HERC4: variants seen among roughly 807,000 people sequenced by gnomAD.
The protein encoded by HERC4 is HECT and RLD domain containing E3 ubiquitin protein ligase 4.
A neutral mutation model predicts 124.3 loss-of-function variants in HERC4; 28 were observed. That is an observed-to-expected ratio of 0.23 (90% CI 0.17 to 0.31). The LOEUF is 0.31. Among genes scored for constraint, HERC4 ranks in the 10% least tolerant of loss-of-function variants. The probability of loss-of-function intolerance (pLI) is 1.00; values close to 1 mark genes in which losing one functional copy is unlikely to be tolerated. For synonymous variants in HERC4, 407 were observed against 421.5 expected (o/e 0.97, Z 0.42); for missense variants, 713 against 1,229.3 (o/e 0.58, Z 6.28).
chr10:67,941,424 T>C (rs1242972442), intron 19 of HERC4, among the ~76,000 whole-genome samples: 1 of 152,132 alleles, frequency 6.6e-6, no homozygotes, highest in Non-Finnish European at 1.5e-5. Flanking sequence ...AAATAATTAC[T>C]ATAACTTTTT....
chr10:67,961,590 C>A (rs543747026), intron 16 of HERC4: 143 of 152,206 alleles, frequency 9.4e-4, no homozygotes, highest in African/African-American at 3.4e-3. Flanking sequence ...GGCCTCGTAG[C>A]AAATTATCAA....
intron 19 of HERC4, among the ~76,000 whole-genome samples, chr10:67,947,045 C>G (rs2033421750): frequency 6.6e-6 from 1 of 152,200 alleles, no homozygotes; most frequent in Admixed American, 6.5e-5. Flanking sequence ...CAACACTCCA[C>G]TTACAGCACT....
At chr10:68,026,720 GGA>G (rs1220864021) in intron 7 of HERC4, among the ~76,000 whole-genome samples, 1 of 152,072 alleles carries the variant, frequency 6.6e-6, no homozygotes, top group African/African-American at 2.4e-5. Context: ...GCACAGACCT[GGA>G]GTCCCAGCTA....
intron 14 of HERC4, among the ~76,000 whole-genome samples, chr10:67,989,068 T>C (rs1311932639): frequency 2.0e-5 from 3 of 151,994 alleles, no homozygotes; most frequent in African/African-American, 2.4e-5. Context: ...AGTGTGAAAG[T>C]CTTGTTGAAT....
At chr10:68,020,774 A>T (rs1314534258) in intron 8 of HERC4, among the ~76,000 whole-genome samples, 1 of 151,794 alleles carries the variant, frequency 6.6e-6, no homozygotes, top group African/African-American at 2.4e-5. Flanking sequence ...GTCTCAAAAA[A>T]AAAAAAAAAA....
At chr10:68,072,541 C>A (rs2041624922) in intron 3 of HERC4, among the ~76,000 whole-genome samples, 4 of 152,058 alleles carry the variant, frequency 2.6e-5, no homozygotes. Flanking sequence ...GTAAATTATG[C>A]ATTTAAAATC....
intron 9 of HERC4, among the ~76,000 whole-genome samples, chr10:68,004,965 A>ATG (rs2037452237): frequency 6.6e-6 from 1 of 152,236 alleles, no homozygotes; most frequent in East Asian, 1.9e-4. Context: ...TGAGGGGTCT[A>ATG]GTTTCATTCT....
At chr10:68,012,296 T>C (rs1264189545) in intron 9 of HERC4, among the ~76,000 whole-genome samples, 1 of 152,254 alleles carries the variant, frequency 6.6e-6, no homozygotes, top group Non-Finnish European at 1.5e-5. Flanking sequence ...ACAACTTGGA[T>C]AACTGGCACA....
intron 9 of HERC4, among the ~76,000 whole-genome samples, chr10:68,013,629 C>G (rs1190062507): frequency 6.6e-6 from 1 of 152,116 alleles, no homozygotes; most frequent in Non-Finnish European, 1.5e-5. Flanking sequence ...GTTTTAGTAT[C>G]CTCAAGATGA....
At chr10:67,923,941 A>G (rs1208192521) in intron 24 of HERC4, among the ~76,000 whole-genome samples, 6 of 152,224 alleles carry the variant, frequency 3.9e-5, no homozygotes, top group African/African-American at 1.4e-4. Flanking sequence ...TAGAATACAG[A>G]CTTTAACAGA....
At chr10:67,933,983 A>G (rs1409835076) in intron 22 of HERC4, among the ~76,000 whole-genome samples, 1 of 152,220 alleles carries the variant, frequency 6.6e-6, no homozygotes, top group Non-Finnish European at 1.5e-5. Flanking sequence ...TTGTAACAAA[A>G]TAGAAGAGAA....
At chr10:67,960,971 A>T in intron 16 of HERC4, 1 of 359,822 alleles carries the variant, frequency 2.8e-6, no homozygotes, top group Non-Finnish European at 5.3e-6. Flanking sequence ...CATGATTTTC[A>T]TCACTTTCTT....
rs1287625501 is a variant in HERC4, at chr10:68,059,660, A to G, written c.226+13223T>C. 2.6e-5 allele frequency among the ~76,000 whole-genome samples: 2 copies of G among 77,220 alleles called. 1 individual carries two copies. The highest frequency in any genetic ancestry group is 4.1e-5 in the Non-Finnish European group (2 of 49,156). The allele number at this position is 77,220 out of a possible 152,430, so 50.7% of individuals were successfully genotyped here. A position where few individuals can be genotyped will look rare whatever the true frequency, so the allele number is the denominator to read the frequency against. ...TATTATATATTATATTATATATCATATTATATATTATATTATATATCATAA... is the reference window on the plus strand; with the variant it reads ...TATTATATATTATATTATATATCATGTTATATATTATATTATATATCATAA... On this transcript the variant is annotated intron_variant, in intron 3 of 24. Coordinates refer to ENST00000373700, the MANE Select transcript of HERC4 (RefSeq NM_015601.4).
At position 67,927,419 on chromosome 10, in the gene HERC4, TATA is replaced by T. The variant is rs2031202732; in HGVS notation, c.2839-2235_2839-2233del. Among the ~76,000 whole-genome samples, 32 of 12,282 alleles carry T rather than the reference TATA, an allele frequency of 2.6e-3. 1 individual carries two copies. The highest frequency in any genetic ancestry group is 3.4e-3 in the Non-Finnish European group (17 of 4,984). 8.1% of individuals were successfully genotyped at this position (12,282 alleles called of 152,430 possible). On this transcript the variant is annotated intron_variant, in intron 23 of 24. Coordinates refer to ENST00000373700, the MANE Select transcript of HERC4 (RefSeq NM_015601.4). ...ATATATATATATATATATATATATA[TATA>T]TATATATATTTTTTTTTTTTTTTAG...
rs1159043944 is a variant in HERC4, at chr10:68,059,838, T to C, written c.226+13045A>G. Among the ~76,000 whole-genome samples the C allele has an allele frequency of 8.3e-4, 45 of 54,492 alleles. 8 individuals are homozygous for C. In the African/African-American group the frequency reaches 0.011, roughly 13 times the overall value. 35.7% of individuals were successfully genotyped at this position (54,492 alleles called of 152,430 possible). ...TATTATATATCATAATATTATATATTATAATATATTATATATCATAATATT... is the reference window on the plus strand; with the variant it reads ...TATTATATATCATAATATTATATATCATAATATATTATATATCATAATATT... On this transcript the variant is annotated intron_variant, in intron 3 of 24. Coordinates refer to ENST00000373700, the MANE Select transcript of HERC4 (RefSeq NM_015601.4).
At chr10:68,026,034 T>A (rs1396913230) in intron 7 of HERC4, among the ~76,000 whole-genome samples, 1 of 152,228 alleles carries the variant, frequency 6.6e-6, no homozygotes, top group African/African-American at 2.4e-5. Flanking sequence ...AGTTACTGCC[T>A]TACATAAATG....
In HERC4 at chr10:68,073,202, G is replaced by T; in HGVS notation, c.-78-16C>A. 1 of 897,888 alleles carries T rather than the reference G, an allele frequency of 1.1e-6. No individual in the cohort carries two copies. The highest frequency in any genetic ancestry group is 1.7e-6 in the Non-Finnish European group (1 of 581,252). The allele number at this position is 897,888 out of a possible 1,614,324, so 55.6% of individuals were successfully genotyped here. On this transcript the variant is annotated splice_polypyrimidine_tract_variant and intron_variant, in intron 2 of 24. Transcript: ENST00000373700. ...TACCCTATGTCTGAGGAAATAGAAA[G>T]AAGTTAATATGACTTCAAAGAAAAA...
intron 8 of HERC4, among the ~76,000 whole-genome samples, chr10:68,024,368 C>A (rs915376536): frequency 3.3e-5 from 5 of 152,078 alleles, no homozygotes; most frequent in African/African-American, 1.2e-4. Context: ...GTTTAACCTA[C>A]AAAATTCAAA....
intron 16 of HERC4, among the ~76,000 whole-genome samples, chr10:67,961,986 T>C (rs2034553708): frequency 6.6e-6 from 1 of 152,202 alleles, no homozygotes; most frequent in Non-Finnish European, 1.5e-5. Flanking sequence ...TCTGTTTAGC[T>C]AGAAGGCAAT....
Sources: gnomAD v4.1 joint callset for allele counts (sites outside exome capture counted in the v4.1 genomes callset) on GRCh38, gnomAD v4.1.1 for gene constraint, MANE v1.5 for transcripts, NCBI Gene and HGNC (gene_info 2026-07-23, HGNC 2026-07-21) for gene names.